The following LPP variants were observed in gnomAD, a reference collection of about 807,000 sequenced individuals.
LPP encodes the protein lipoma-preferred partner.
In LPP, 38 loss-of-function variants were observed where a neutral mutation model predicts 60.4. The ratio of observed to expected loss-of-function variants is 0.63; its 90% CI spans 0.49 to 0.83. The LOEUF is 0.83. Among genes scored for constraint, LPP ranks in the 40% least tolerant of loss-of-function variants. The probability of loss-of-function intolerance (pLI) is 0.00; values close to 1 mark genes in which losing one functional copy is unlikely to be tolerated. For synonymous variants in LPP, 328 were observed against 290.8 expected, an observed-to-expected ratio of 1.13 and a Z score of -1.30; for missense variants, 902 against 783.6, an observed-to-expected ratio of 1.15 and a Z score of -1.80.
intron 9 of LPP, among the ~76,000 whole-genome samples, chr3:188,812,081 G>A (rs932129943): frequency 7.2e-5 from 11 of 151,998 alleles, no homozygotes; most frequent in African/African-American, 2.4e-4. Context: ...ATTCCCTTAC[G>A]TTCCTCCTGG....
chr3:188,203,704 C>T (rs1287307576), intron 1 of LPP, among the ~76,000 whole-genome samples: 1 of 147,486 alleles, frequency 6.8e-6, no homozygotes, highest in Non-Finnish European at 1.5e-5. Context: ...TGGTCTCAAA[C>T]TCCTAGGCTC....
intron 8 of LPP, chr3:188,711,061 C>T (rs572244108): frequency 6.6e-6 from 1 of 152,296 alleles, no homozygotes; most frequent in African/African-American, 2.4e-5. Context: ...ACTCAAGGTT[C>T]TCCCATGCTC....
intron 5 of LPP, among the ~76,000 whole-genome samples, chr3:188,520,491 A>G (rs1298651513): frequency 1.3e-5 from 2 of 152,202 alleles, no homozygotes. Context: ...CCGTGATTCA[A>G]TTATCTCCCA....
chr3:188,646,258 T>C (rs1851083277), intron 7 of LPP, among the ~76,000 whole-genome samples: 1 of 152,062 alleles, frequency 6.6e-6, no homozygotes, highest in Admixed American at 6.5e-5. Context: ...AGTCAGGGAG[T>C]GACCAAGGAT....
chr3:188,374,526 T>A (rs1298219192), intron 3 of LPP, among the ~76,000 whole-genome samples: 1 of 152,198 alleles, frequency 6.6e-6, no homozygotes, highest in Non-Finnish European at 1.5e-5. Context: ...TATTGGTGTA[T>A]AAGAATGCTT....
chr3:188,753,812 A>G (rs534253169), intron 8 of LPP, among the ~76,000 whole-genome samples: 1 of 151,876 alleles, frequency 6.6e-6, no homozygotes, highest in Admixed American at 6.6e-5. Context: ...TAGAGGGAAA[A>G]ACAAGAGAGA....
chr3:188,569,474 A>T (rs1324625815), intron 6 of LPP, among the ~76,000 whole-genome samples: 1 of 152,056 alleles, frequency 6.6e-6, no homozygotes, highest in Non-Finnish European at 1.5e-5. Flanking sequence ...TCCCCATCAG[A>T]TTAACCCTTT....
chr3:188,192,484 T>C (rs1189300091), intron 1 of LPP, among the ~76,000 whole-genome samples: 1 of 152,230 alleles, frequency 6.6e-6, no homozygotes, highest in Non-Finnish European at 1.5e-5. Context: ...GAGACCATTT[T>C]TATTTTTATT....
chr3:188,503,183 A>T (rs1812416785), intron 5 of LPP, among the ~76,000 whole-genome samples: 1 of 152,064 alleles, frequency 6.6e-6, no homozygotes, highest in African/African-American at 2.4e-5. Flanking sequence ...TACATTTAAC[A>T]TCCTAACGTT....
chr3:188,250,772 T>G (rs550076483), intron 2 of LPP, among the ~76,000 whole-genome samples: 5,557 of 110,824 alleles, frequency 0.05, 195 homozygotes, highest in African/African-American at 0.084. Flanking sequence ...CTTTCTTTCT[T>G]TCTTTCTTTC....
intron 7 of LPP, among the ~76,000 whole-genome samples, chr3:188,659,905 C>G (rs1854185081): frequency 6.6e-6 from 1 of 151,524 alleles, no homozygotes; most frequent in African/African-American, 2.4e-5. Context: ...TTACTGTTCC[C>G]AATCCATTTC....
chr3:188,742,950 G>A (rs1724956407), intron 8 of LPP, among the ~76,000 whole-genome samples: 1 of 152,158 alleles, frequency 6.6e-6, no homozygotes, highest in Non-Finnish European at 1.5e-5. Context: ...CAGTGAGTAT[G>A]TCCTAATGGA....
At chr3:188,794,513 G>T (rs1212038172) in intron 9 of LPP, among the ~76,000 whole-genome samples, 1 of 151,980 alleles carries the variant, frequency 6.6e-6, no homozygotes, top group East Asian at 1.9e-4. Flanking sequence ...CATATTAGAG[G>T]GCAAGAAGGG....
chr3:188,591,584 G>C (rs763864052), intron 6 of LPP, among the ~76,000 whole-genome samples: 2 of 152,126 alleles, frequency 1.3e-5, no homozygotes, highest in African/African-American at 4.8e-5. Context: ...TCTATTCCTA[G>C]TTAGGGCCTC....
intron 6 of LPP, among the ~76,000 whole-genome samples, chr3:188,525,414 A>C (rs1034176168): frequency 6.6e-6 from 1 of 152,230 alleles, no homozygotes; most frequent in African/African-American, 2.4e-5. Context: ...CAAAAATGTT[A>C]TATAAAAAAG....
At chr3:188,871,212 G>C (rs1342539028) in intron 10 of LPP, among the ~76,000 whole-genome samples, 2 of 152,172 alleles carry the variant, frequency 1.3e-5, no homozygotes, top group African/African-American at 4.8e-5. Flanking sequence ...TGCTCCCACA[G>C]AGTTTGGGGA....
intron 7 of LPP, among the ~76,000 whole-genome samples, chr3:188,655,903 C>T (rs779281425): frequency 1.3e-5 from 2 of 152,000 alleles, no homozygotes; most frequent in African/African-American, 2.4e-5. Context: ...TAAAAAAACA[C>T]TTTGGGCCAG....
At chr3:188,452,953 G>A (rs987673221) in intron 4 of LPP, among the ~76,000 whole-genome samples, 6 of 152,074 alleles carry the variant, frequency 3.9e-5, no homozygotes, top group Non-Finnish European at 7.4e-5. Context: ...CACCTCTTAA[G>A]TTGTCAGCCC....
intron 11 of LPP, 96 bp downstream of exon 11, chr3:188,872,859 A>C (rs960502951): frequency 3.3e-6 from 5 of 1,528,764 alleles, no homozygotes. Context: ...TAAATCTCAG[A>C]ACGGCCTTAG....
Sources: gnomAD v4.1 joint callset for allele counts (sites outside exome capture counted in the v4.1 genomes callset) on GRCh38, gnomAD v4.1.1 for gene constraint, MANE v1.5 for transcripts, NCBI Gene and HGNC (gene_info 2026-07-23, HGNC 2026-07-21) for gene names.